DCAF8L2: variants seen among roughly 807,000 people sequenced by gnomAD.
DCAF8L2 encodes the protein DDB1 and CUL4 associated factor 8 like 2, also known as DDB1- and CUL4-associated factor 8-like protein 2.
For missense variants in DCAF8L2, 430 were observed against 490.7 expected (o/e 0.88, Z 1.17); for synonymous variants, 200 against 190.9 (o/e 1.05, Z -0.39).
the DCAF8L2 span, among the ~76,000 whole-genome samples, chrX:27,516,553 C>A: frequency 9.0e-6 from 1 of 110,523 alleles, no homozygotes; most frequent in Non-Finnish European, 1.9e-5. Context: ...TACGACACCC[C>A]TCCAAGATGA....
chrX:27,717,284 T>A (rs1300451706), intron 4 of DCAF8L2, among the ~76,000 whole-genome samples: 2 of 112,155 alleles, frequency 1.8e-5, no homozygotes, highest in Non-Finnish European at 3.8e-5. Flanking sequence ...GTATTTCTGG[T>A]TTTAGCTCTT....
upstream of DCAF8L2, among the ~76,000 whole-genome samples, chrX:27,588,939 A>C (rs1035435028): frequency 9.0e-6 from 1 of 111,203 alleles, no homozygotes; most frequent in Admixed American, 9.6e-5. Context: ...CACATCACAC[A>C]TTTTATCTGT....
intron 3 of DCAF8L2, among the ~76,000 whole-genome samples, chrX:27,698,025 T>C (rs1930993677): frequency 9.0e-6 from 1 of 111,295 alleles, no homozygotes; most frequent in Non-Finnish European, 1.9e-5. Context: ...ATTTTTTTTA[T>C]TAACTATTTG....
the DCAF8L2 span, among the ~76,000 whole-genome samples, chrX:27,562,348 A>G: frequency 7.1e-5 from 8 of 112,399 alleles, no homozygotes; most frequent in African/African-American, 2.6e-4. Flanking sequence ...AGTTTTAACA[A>G]TTTAACAGCC....
intron 2 of DCAF8L2, among the ~76,000 whole-genome samples, chrX:27,675,838 A>G (rs769848781): frequency 3.6e-5 from 4 of 112,017 alleles, no homozygotes; most frequent in East Asian, 2.8e-4. Context: ...TGGGATCATA[A>G]GTTTGTAGAG....
chrX:27,502,335 A>AAAAAAATATATAT, the DCAF8L2 span, among the ~76,000 whole-genome samples: 3 of 12,710 alleles, frequency 2.4e-4, no homozygotes, highest in Non-Finnish European at 4.5e-4. Flanking sequence ...AAAAAAAAAA[A>AAAAAAATATATAT]ATATATATAT....
chrX:27,635,553 A>T (rs1928464561), intron 2 of DCAF8L2, among the ~76,000 whole-genome samples: 1 of 111,412 alleles, frequency 9.0e-6, no homozygotes, highest in Admixed American at 9.6e-5. Context: ...GAGTCAAGTA[A>T]TTCTTTTCAT....
chrX:27,579,642 AC>A, the DCAF8L2 span, among the ~76,000 whole-genome samples: 1 of 109,159 alleles, frequency 9.2e-6, no homozygotes, highest in Admixed American at 9.9e-5. Flanking sequence ...ACACACACAC[AC>A]ACACACACAC....
the DCAF8L2 span, among the ~76,000 whole-genome samples, chrX:27,514,696 C>CAAAAAAAAAAAAAA: frequency 2.5e-5 from 1 of 39,952 alleles, no homozygotes; most frequent in Non-Finnish European, 4.3e-5. Flanking sequence ...AAAAAAAAAA[C>CAAAAAAAAAAAAAA]AAAAAAAAAA....
At chrX:27,508,573 C>T in the DCAF8L2 span, among the ~76,000 whole-genome samples, 1 of 107,811 alleles carries the variant, frequency 9.3e-6, no homozygotes, top group Non-Finnish European at 1.9e-5. Flanking sequence ...ATTCCCATGC[C>T]CCGGTCACTC....
At chrX:27,699,005 G>T (rs1353526005) in intron 3 of DCAF8L2, among the ~76,000 whole-genome samples, 1 of 111,702 alleles carries the variant, frequency 9.0e-6, no homozygotes, top group African/African-American at 3.3e-5. Context: ...TCAGGCTCTG[G>T]TCTGGGGACT....
In DCAF8L2 at chrX:27,666,862, A is replaced by T. The variant is rs938256716; in HGVS notation, c.-219-10974A>T. Among the ~76,000 whole-genome samples the T allele has an allele frequency of 6.3e-4, 71 of 112,150 alleles. 1 individual carries two copies. The highest frequency in any genetic ancestry group is 2.2e-3 in the African/African-American group (69 of 30,908). ...ACATATTATCCACACAAGAGATTAA[A>T]GGGGCTCATTTGTTTCCACAATGAA... On this transcript the variant is annotated intron_variant, in intron 2 of 4. Coordinates refer to ENST00000451261, the MANE Select transcript of DCAF8L2 (RefSeq NM_001353450.2).
chrX:27,550,491 C>A, the DCAF8L2 span, among the ~76,000 whole-genome samples: 658 of 111,285 alleles, frequency 5.9e-3, 8 homozygotes, highest in African/African-American at 0.02. Context: ...CCACTACACC[C>A]AGCCTATCAA....
At chrX:27,657,841 A>G (rs978935453) in intron 2 of DCAF8L2, among the ~76,000 whole-genome samples, 5 of 112,596 alleles carry the variant, frequency 4.4e-5, no homozygotes, top group East Asian at 2.8e-4. Flanking sequence ...TATAAAAATT[A>G]TAACTGATTC....
intron 2 of DCAF8L2, among the ~76,000 whole-genome samples, chrX:27,647,137 T>TAGCA (rs1928970130): frequency 8.9e-6 from 1 of 111,744 alleles, no homozygotes; most frequent in Non-Finnish European, 1.9e-5. Flanking sequence ...GCATTCACAA[T>TAGCA]AGCAAACACA....
chrX:27,731,992 G>C (rs1371730812), intron 4 of DCAF8L2, among the ~76,000 whole-genome samples: 1 of 111,061 alleles, frequency 9.0e-6, no homozygotes, highest in Non-Finnish European at 1.9e-5. Context: ...CCCCGGTCCT[G>C]GGTCCTGTGT....
chrX:27,494,685 TA>T, the DCAF8L2 span, among the ~76,000 whole-genome samples: 2 of 111,949 alleles, frequency 1.8e-5, no homozygotes, highest in Admixed American at 9.5e-5. Flanking sequence ...TGCATTTTCT[TA>T]AAAATATATG....
chrX:27,606,382 T>TATATATATATATATA (rs1358332870), intron 1 of DCAF8L2, among the ~76,000 whole-genome samples: 5 of 81,080 alleles, frequency 6.2e-5, no homozygotes, highest in Admixed American at 1.4e-4. Flanking sequence ...TATATATATA[T>TATATATATATATATA]TCTTTTGAGA....
intron 4 of DCAF8L2, among the ~76,000 whole-genome samples, chrX:27,737,185 G>A (rs1177654803): frequency 9.0e-6 from 1 of 111,551 alleles, no homozygotes; most frequent in Non-Finnish European, 1.9e-5. Context: ...CAAACCCTTT[G>A]GGATTCTCAA....
Sources: allele counts gnomAD v4.1 joint callset (sites outside exome capture counted in the v4.1 genomes callset), GRCh38; gene constraint gnomAD v4.1.1; transcripts MANE v1.5; gene names NCBI Gene and HGNC (gene_info 2026-07-23, HGNC 2026-07-21).